EXPH5: variants seen among roughly 807,000 people sequenced by gnomAD.
EXPH5 encodes the protein exophilin-5.
In EXPH5, 42 loss-of-function variants were observed where a neutral mutation model predicts 41.1. The observed-to-expected ratio is 1.02, with a 90% confidence interval of 0.80 to 1.32. The LOEUF is 1.32. Among genes scored for constraint, EXPH5 ranks in the 40% most tolerant of loss-of-function variants. EXPH5 has a pLI of 0.00. For missense variants in EXPH5, 2,298 were observed against 2,314.5 expected, an observed-to-expected ratio of 0.99 and a Z score of 0.15; for synonymous variants, 798 against 833.5, an observed-to-expected ratio of 0.96 and a Z score of 0.73.
intron 1 of EXPH5, among the ~76,000 whole-genome samples, chr11:108,555,591 C>T (rs1410031187): frequency 4.6e-5 from 7 of 152,134 alleles, no homozygotes. Context: ...TGTGTCCCCA[C>T]CCAAAATCTC....
chr11:108,602,281 T>C, the EXPH5 span, among the ~76,000 whole-genome samples: 2 of 152,234 alleles, frequency 1.3e-5, no homozygotes, highest in Non-Finnish European at 2.9e-5. Context: ...CAGATATTTA[T>C]TAGGCACCTG....
chr11:108,549,371 C>T (rs543262427), intron 1 of EXPH5, among the ~76,000 whole-genome samples: 1 of 152,326 alleles, frequency 6.6e-6, no homozygotes, highest in East Asian at 1.9e-4. Flanking sequence ...ACACACCACT[C>T]CTCTTATGTT....
chr11:108,528,804 G>T (rs1236687994), intron 3 of EXPH5, among the ~76,000 whole-genome samples: 1 of 145,670 alleles, frequency 6.9e-6, no homozygotes, highest in East Asian at 2.1e-4. Flanking sequence ...CTGGGTTCAA[G>T]CAATTCTCCT....
At chr11:108,570,314 G>A (rs1273836327) in intron 1 of EXPH5, among the ~76,000 whole-genome samples, 1 of 151,994 alleles carries the variant, frequency 6.6e-6, no homozygotes, top group African/African-American at 2.4e-5. Context: ...GAGTGCAGTG[G>A]TACAATCTTG....
chr11:108,545,372 C>T (rs116297602), intron 1 of EXPH5, among the ~76,000 whole-genome samples: 1,802 of 152,206 alleles, frequency 0.012, 40 homozygotes, highest in African/African-American at 0.041. Context: ...GGTGCAAATG[C>T]TGGCATACAA....
intron 1 of EXPH5, among the ~76,000 whole-genome samples, chr11:108,555,954 C>T (rs2093987877): frequency 6.6e-6 from 1 of 152,216 alleles, no homozygotes; most frequent in Non-Finnish European, 1.5e-5. Flanking sequence ...AAGCCCCTAT[C>T]TGTCTCCCTG....
intron 5 of EXPH5, among the ~76,000 whole-genome samples, chr11:108,516,636 G>A (rs1156687403): frequency 6.6e-6 from 1 of 152,092 alleles, no homozygotes; most frequent in Non-Finnish European, 1.5e-5. Context: ...AATTAAGTTA[G>A]GGCAGATGCT....
intron 3 of EXPH5, among the ~76,000 whole-genome samples, chr11:108,534,475 C>T (rs890973239): frequency 2.0e-5 from 3 of 152,218 alleles, no homozygotes; most frequent in African/African-American, 7.2e-5. Flanking sequence ...TCACCTTGTA[C>T]TGGGTCATTG....
intron 4 of EXPH5, among the ~76,000 whole-genome samples, chr11:108,519,469 G>A (rs1040585259): frequency 1.3e-5 from 2 of 152,108 alleles, no homozygotes; most frequent in East Asian, 1.9e-4. Flanking sequence ...GAACTTGGCC[G>A]CGTGCAGTGG....
chr11:108,518,749 C>A (rs2135949791), intron 4 of EXPH5, among the ~76,000 whole-genome samples: 1 of 152,326 alleles, frequency 6.6e-6, no homozygotes, highest in Non-Finnish European at 1.5e-5. Flanking sequence ...TTAAGGCATT[C>A]TAAGTCACAG....
intron 3 of EXPH5, among the ~76,000 whole-genome samples, chr11:108,531,891 T>C (rs1262178849): frequency 6.6e-6 from 1 of 152,206 alleles, no homozygotes; most frequent in Non-Finnish European, 1.5e-5. Flanking sequence ...CATCCACATC[T>C]CTACATCTCC....
chr11:108,535,791 G>C (rs931269066), intron 3 of EXPH5, among the ~76,000 whole-genome samples: 6 of 152,186 alleles, frequency 3.9e-5, no homozygotes, highest in African/African-American at 1.4e-4. Context: ...TGCATCTGAA[G>C]GGCAACGCAT....
At chr11:108,584,651 C>T (rs1466046636) in intron 1 of EXPH5, among the ~76,000 whole-genome samples, 3 of 152,078 alleles carry the variant, frequency 2.0e-5, no homozygotes, top group Non-Finnish European at 2.9e-5. Context: ...GGGGCAAAAG[C>T]AATTTAATGA....
intron 4 of EXPH5, among the ~76,000 whole-genome samples, chr11:108,520,869 A>AT (rs2093760850): frequency 6.6e-6 from 1 of 152,136 alleles, no homozygotes; most frequent in African/African-American, 2.4e-5. Flanking sequence ...TCGCCCAGCT[A>AT]TTATTATTAT....
chr11:108,546,830 T>C (rs956952903), intron 1 of EXPH5, among the ~76,000 whole-genome samples: 1 of 152,138 alleles, frequency 6.6e-6, no homozygotes, highest in African/African-American at 2.4e-5. Flanking sequence ...ATTATTTTTT[T>C]TTTTTTCTGT....
chr11:108,510,292 TG>T lies in EXPH5; in HGVS notation c.5214del (p.Ser1739AlafsTer14). On this transcript the variant is annotated frameshift_variant, in exon 6 of 6. Coordinates refer to ENST00000265843, the MANE Select transcript of EXPH5 (RefSeq NM_015065.3). LOFTEE classifies it low-confidence loss of function (END_TRUNC). The part of the protein sequence containing the change: ...ESGAPSPITF[T>X]SLREAEFSDN... ...TCAGAGAATTCTGCTTCCCTGAGGC[TG>T]GTGAATGTGATGGGTGATGGGGCTC... 6.2e-7 allele frequency: 1 copy of T among 1,614,134 alleles called. No individual in the cohort carries two copies. The highest frequency in any genetic ancestry group is 8.5e-7 in the Non-Finnish European group (1 of 1,180,034).
At chr11:108,604,306 G>C in the EXPH5 span, among the ~76,000 whole-genome samples, 1 of 151,978 alleles carries the variant, frequency 6.6e-6, no homozygotes, top group East Asian at 1.9e-4. Context: ...TGAGGTGGGA[G>C]GATCATTGGA....
chr11:108,555,770 C>T (rs1591733612), intron 1 of EXPH5, among the ~76,000 whole-genome samples: 1 of 152,310 alleles, frequency 6.6e-6, no homozygotes, highest in East Asian at 1.9e-4. Flanking sequence ...CTCGGCACTT[C>T]TCTCTCCTGC....
chr11:108,580,733 G>A (rs975182933), intron 1 of EXPH5, among the ~76,000 whole-genome samples: 6 of 152,164 alleles, frequency 3.9e-5, no homozygotes, highest in African/African-American at 1.4e-4. Context: ...TAAAAAGAAT[G>A]AGATCTTGTC....
Sources: allele counts gnomAD v4.1 joint callset (sites outside exome capture counted in the v4.1 genomes callset), GRCh38; gene constraint gnomAD v4.1.1; transcripts MANE v1.5; gene names NCBI Gene and HGNC (gene_info 2026-07-23, HGNC 2026-07-21).